The following LRRC7 variants were observed in gnomAD, a reference collection of about 807,000 sequenced individuals.
LRRC7 encodes leucine rich repeat containing 7, also known as leucine-rich repeat-containing protein 7.
Under a neutral mutation model 175.7 loss-of-function variants are expected in LRRC7, and 23 were observed. That is an observed-to-expected ratio of 0.13 (90% CI 0.09 to 0.19). The LOEUF (loss-of-function observed/expected upper bound fraction) is 0.19, where lower values mean the gene tolerates loss of function less well. Ranked by LOEUF, LRRC7 falls within the 10% of genes least tolerant of loss-of-function variation. The probability of loss-of-function intolerance (pLI) is 1.00; values close to 1 mark genes in which losing one functional copy is unlikely to be tolerated. For synonymous variants in LRRC7, 685 were observed against 680.9 expected (o/e 1.01, Z -0.09); for missense variants, 1,354 against 1,904.7 (o/e 0.71, Z 5.38).
intron 7 of LRRC7, among the ~76,000 whole-genome samples, chr1:69,926,909 T>C (rs895223758): frequency 1.3e-5 from 2 of 152,228 alleles, no homozygotes; most frequent in African/African-American, 4.8e-5. Context: ...GCCTCAATGG[T>C]CTTTACATTT....
intron 4 of LRRC7, among the ~76,000 whole-genome samples, chr1:69,802,076 G>T (rs1676577738): frequency 6.6e-6 from 1 of 151,312 alleles, no homozygotes; most frequent in African/African-American, 2.4e-5. Context: ...TGTAGTCTGA[G>T]AATATACTTA....
intron 2 of LRRC7, among the ~76,000 whole-genome samples, chr1:69,743,539 C>A (rs531637222): frequency 6.6e-6 from 1 of 152,032 alleles, no homozygotes; most frequent in African/African-American, 2.4e-5. Context: ...AAGAAGACAA[C>A]GTCCAACATT....
At chr1:69,627,872 A>C (rs1651853016) in intron 1 of LRRC7, among the ~76,000 whole-genome samples, 2 of 151,610 alleles carry the variant, frequency 1.3e-5, no homozygotes, top group Admixed American at 1.3e-4. Context: ...TAAGATAAAG[A>C]TCTAACTCCT....
chr1:69,863,641 T>C, intron 7 of LRRC7, among the ~76,000 whole-genome samples: 1 of 152,200 alleles, frequency 6.6e-6, no homozygotes, highest in Non-Finnish European at 1.5e-5. Context: ...GAGACAGACA[T>C]TAACAGAATA....
intron 7 of LRRC7, among the ~76,000 whole-genome samples, chr1:69,912,615 A>G (rs1240405269): frequency 6.6e-6 from 1 of 152,186 alleles, no homozygotes; most frequent in Non-Finnish European, 1.5e-5. Flanking sequence ...AAAGAGCTCA[A>G]AAGTTCTATC....
chr1:69,753,763 A>G (rs548425940), intron 2 of LRRC7, among the ~76,000 whole-genome samples: 1 of 152,224 alleles, frequency 6.6e-6, no homozygotes, highest in East Asian at 1.9e-4. Context: ...CTCTAGCCTC[A>G]TAAAACTTTC....
At position 69,840,620 on chromosome 1, in the gene LRRC7, A is replaced by C. The variant is rs1371257409; in HGVS notation, c.647+2337A>C. On this transcript the variant is annotated intron_variant, in intron 7 of 26. Coordinates refer to ENST00000651989, the MANE Select transcript of LRRC7 (RefSeq NM_001370785.2). ...TAAGCAAACTGATGGAGACTCTTAGATGTATGCAAATTCTAGGATAATTTT... is the reference window on the plus strand; with the variant it reads ...TAAGCAAACTGATGGAGACTCTTAGCTGTATGCAAATTCTAGGATAATTTT... 2.0e-5 allele frequency among the ~76,000 whole-genome samples: 3 copies of C among 152,178 alleles called. No individual in the cohort carries two copies. In the East Asian group the frequency reaches 5.8e-4, roughly 29 times the overall value.
intron 7 of LRRC7, among the ~76,000 whole-genome samples, chr1:69,923,314 T>G (rs368998509): frequency 2.0e-5 from 3 of 152,266 alleles, no homozygotes; most frequent in Non-Finnish European, 2.9e-5. Flanking sequence ...ATGATTTATA[T>G]TCCTTTGGGT....
At chr1:69,662,279 ATATT>A (rs1657585322) in intron 1 of LRRC7, among the ~76,000 whole-genome samples, 2 of 152,338 alleles carry the variant, frequency 1.3e-5, no homozygotes, top group South Asian at 4.1e-4. Flanking sequence ...TTAAAAATAA[ATATT>A]TAATGTTTGC....
intron 7 of LRRC7, among the ~76,000 whole-genome samples, chr1:69,916,164 T>C (rs1051055133): frequency 1.2e-4 from 5 of 42,034 alleles, no homozygotes; most frequent in African/African-American, 2.5e-4. Context: ...ATACATATTT[T>C]ATATATATAA....
At chr1:69,953,161 A>G (rs746783317) in intron 8 of LRRC7, among the ~76,000 whole-genome samples, 1 of 151,978 alleles carries the variant, frequency 6.6e-6, no homozygotes, top group Non-Finnish European at 1.5e-5. Context: ...TTCTTCTCGT[A>G]GTCTTTACTA....
At chr1:70,099,649 C>A (rs1571323194) in intron 25 of LRRC7, among the ~76,000 whole-genome samples, 1 of 152,170 alleles carries the variant, frequency 6.6e-6, no homozygotes, top group African/African-American at 2.4e-5. Context: ...TTTGAGGGAG[C>A]CTTCAGGAAT....
At chr1:69,743,807 A>G (rs1429730696) in intron 2 of LRRC7, among the ~76,000 whole-genome samples, 1 of 151,962 alleles carries the variant, frequency 6.6e-6, no homozygotes, top group East Asian at 1.9e-4. Flanking sequence ...GAGTCTGTAC[A>G]GAGGGAAAAA....
At chr1:69,688,570 C>T (rs1661462032) in intron 2 of LRRC7, among the ~76,000 whole-genome samples, 1 of 151,858 alleles carries the variant, frequency 6.6e-6, no homozygotes, top group Admixed American at 6.6e-5. Flanking sequence ...ATGAACCTCA[C>T]ACATGTGCAT....
chr1:70,036,245 A>G lies in LRRC7; in HGVS notation c.2107+13A>G. On this transcript the variant is annotated intron_variant, in intron 19 of 26. Transcript: ENST00000651989. ...AAGGACAAAAAAGGTAACACTGTGA[A>G]CCCAATGTGGAAAATATGCTACAAA... 6.3e-7 allele frequency: 1 copy of G among 1,596,378 alleles called. No individual in the cohort carries two copies. Among genetic ancestry groups the G allele is most frequent in the African/African-American group, 1.3e-5 (1 of 74,364 alleles).
chr1:70,064,283 A>G (rs1234532276), intron 23 of LRRC7, among the ~76,000 whole-genome samples: 1 of 152,024 alleles, frequency 6.6e-6, no homozygotes, highest in Non-Finnish European at 1.5e-5. Flanking sequence ...ACAGGATGAA[A>G]AGGTTCAGCT....
At chr1:69,951,194 A>C (rs1167201627) in intron 8 of LRRC7, among the ~76,000 whole-genome samples, 1 of 152,048 alleles carries the variant, frequency 6.6e-6, no homozygotes. Context: ...AAAACCCGCA[A>C]TATCACTGAT....
chr1:69,753,735 G>A (rs1175198881), intron 2 of LRRC7, among the ~76,000 whole-genome samples: 1 of 151,830 alleles, frequency 6.6e-6, no homozygotes, highest in East Asian at 1.9e-4. Flanking sequence ...ACATATTTTT[G>A]AACAGTCTAG....
intron 25 of LRRC7, among the ~76,000 whole-genome samples, chr1:70,102,676 T>G (rs1287399693): frequency 6.6e-6 from 1 of 152,192 alleles, no homozygotes; most frequent in African/African-American, 2.4e-5. Context: ...AGTTTCAGAC[T>G]TTTGATAATT....
Sources: gnomAD v4.1 joint callset for allele counts (sites outside exome capture counted in the v4.1 genomes callset) on GRCh38, gnomAD v4.1.1 for gene constraint, MANE v1.5 for transcripts, NCBI Gene and HGNC (gene_info 2026-07-23, HGNC 2026-07-21) for gene names.